Variants in ADAM28 observed in about 807,000 individuals in gnomAD.
ADAM28 encodes the protein disintegrin and metalloproteinase domain-containing protein 28.
Under a neutral mutation model 101.2 loss-of-function variants are expected in ADAM28, and 105 were observed. That is an observed-to-expected ratio of 1.04 (90% CI 0.89 to 1.22). ADAM28 has a LOEUF of 1.22. Ranked by LOEUF, ADAM28 falls within the 50% of genes most tolerant of loss-of-function variation. The pLI, the probability that ADAM28 is intolerant of heterozygous loss-of-function variation, is 0.00. For missense variants in ADAM28, 1,028 were observed against 945.4 expected, an observed-to-expected ratio of 1.09 and a Z score of -1.15; for synonymous variants, 322 against 310.6, an observed-to-expected ratio of 1.04 and a Z score of -0.39.
chr8:24,330,245 G>A, intron 11 of ADAM28, 130 bp downstream of exon 11: 1 of 1,104,396 alleles, frequency 9.1e-7, no homozygotes, highest in Non-Finnish European at 1.3e-6. Context: ...TTTGTGCCAA[G>A]CCACCTCATC....
chr8:24,324,032 C>G (rs373177460), intron 9 of ADAM28, 29 bp downstream of exon 9: 1 of 1,605,792 alleles, frequency 6.2e-7, no homozygotes, highest in Non-Finnish European at 8.5e-7. Flanking sequence ...CCATTGCACA[C>G]TATGTGGTAT....
intron 4 of ADAM28, 55 bp downstream of exon 4, chr8:24,310,296 G>A: frequency 6.5e-7 from 1 of 1,527,676 alleles, no homozygotes; most frequent in Non-Finnish European, 9.0e-7. Context: ...AGACCTAAAG[G>A]TAGTGTCCTT....
At chr8:24,321,328 G>T (rs759561044) in intron 8 of ADAM28, 39 bp downstream of exon 8, 6 of 1,476,364 alleles carry the variant, frequency 4.1e-6, no homozygotes, top group Non-Finnish European at 5.7e-6. Flanking sequence ...TAAACAGTTT[G>T]CTGGGAGATG....
chr8:24,329,886 TGAGAGAGAGA>T (rs1287352791), intron 10 of ADAM28, 89 bp from the exon 11 acceptor site: 7 of 563,950 alleles, frequency 1.2e-5, no homozygotes, highest in Non-Finnish European at 1.8e-5. Context: ...TGTGTGTGTG[TGAGAGAGAGA>T]GAGAGAGAGA....
intron 11 of ADAM28, among the ~76,000 whole-genome samples, chr8:24,330,321 A>G (rs552444386): frequency 6.6e-6 from 1 of 152,288 alleles, no homozygotes; most frequent in African/African-American, 2.4e-5. Flanking sequence ...TGATGGGGCA[A>G]TTCATCATTT....
In ADAM28 at chr8:24,309,891, C is replaced by T; in HGVS notation, c.151-3C>T. On this transcript the variant is annotated splice_region_variant and splice_polypyrimidine_tract_variant and intron_variant, in intron 2 of 22. Coordinates refer to ENST00000265769, the MANE Select transcript of ADAM28 (RefSeq NM_014265.6). ...ACAAGTAAATGTTTGTGTATTTTTGCAGGAACAATTTGAAACTGAATTAAA... is the reference window on the plus strand; with the variant it reads ...ACAAGTAAATGTTTGTGTATTTTTGTAGGAACAATTTGAAACTGAATTAAA... The T allele has an allele frequency of 6.5e-7, 1 of 1,534,960 alleles. No homozygotes were observed. Among genetic ancestry groups the T allele is most frequent in the Non-Finnish European group, 9.0e-7 (1 of 1,114,672 alleles).
At chr8:24,306,895 G>T (rs1809768032) in intron 2 of ADAM28, among the ~76,000 whole-genome samples, 2 of 152,064 alleles carry the variant, frequency 1.3e-5, no homozygotes, top group Admixed American at 1.3e-4. Flanking sequence ...TCTCACTCCT[G>T]CCCTGTTAGG....
intron 21 of ADAM28, 47 bp from the exon 22 acceptor site, chr8:24,353,723 A>C (rs1816440248): frequency 8.6e-7 from 1 of 1,157,090 alleles, no homozygotes; most frequent in East Asian, 2.4e-5. Flanking sequence ...AGATGGGACA[A>C]GCATAGCATT....
chr8:24,343,064 A>C (rs984126212), intron 16 of ADAM28, 37 bp from the exon 17 acceptor site: 3 of 1,613,052 alleles, frequency 1.9e-6, no homozygotes, highest in African/African-American at 2.7e-5. Context: ...CTACGTTCAG[A>C]GAAGATGAAG....
At chr8:24,334,764 C>T (rs1300719936) in intron 13 of ADAM28, among the ~76,000 whole-genome samples, 1 of 152,152 alleles carries the variant, frequency 6.6e-6, no homozygotes, top group Non-Finnish European at 1.5e-5. Context: ...AACAAACAAA[C>T]AAACATACTT....
intron 1 of ADAM28, among the ~76,000 whole-genome samples, chr8:24,298,414 AT>A (rs201098843): frequency 6.6e-6 from 1 of 152,208 alleles, no homozygotes; most frequent in Admixed American, 6.5e-5. Flanking sequence ...TTCTCGAGTA[AT>A]TTTTAAAAAA....
chr8:24,299,951 C>A (rs756940015), intron 1 of ADAM28, 23 bp from the exon 2 acceptor site: 1 of 1,588,452 alleles, frequency 6.3e-7, no homozygotes, highest in Non-Finnish European at 8.6e-7. Context: ...CTGGATAAGT[C>A]TTTTCTTTTT....
At chr8:24,349,534 C>A (rs1815815241) in intron 18 of ADAM28, among the ~76,000 whole-genome samples, 1 of 152,148 alleles carries the variant, frequency 6.6e-6, no homozygotes, top group Admixed American at 6.5e-5. Flanking sequence ...TGTTTCATTT[C>A]TTCTTTGCCA....
At chr8:24,300,269 A>G (rs1221502993) in intron 2 of ADAM28, among the ~76,000 whole-genome samples, 192 bp downstream of exon 2, 1 of 152,162 alleles carries the variant, frequency 6.6e-6, no homozygotes, top group Non-Finnish European at 1.5e-5. Context: ...TTGGAGTTAA[A>G]TAACAATGAT....
At chr8:24,354,035 A>G (rs985126372) in intron 22 of ADAM28, among the ~76,000 whole-genome samples, 1 of 152,100 alleles carries the variant, frequency 6.6e-6, no homozygotes, top group Non-Finnish European at 1.5e-5. Context: ...CTAGAAAGCT[A>G]TGTAGACACC....
chr8:24,323,248 G>GT (rs1259285689), intron 8 of ADAM28, among the ~76,000 whole-genome samples: 2 of 151,792 alleles, frequency 1.3e-5, no homozygotes, highest in Non-Finnish European at 2.9e-5. Context: ...CTCCACTCTC[G>GT]TGACCTAATC....
At chr8:24,312,837 T>A (rs1810651530) in intron 5 of ADAM28, among the ~76,000 whole-genome samples, 1 of 152,054 alleles carries the variant, frequency 6.6e-6, no homozygotes, top group Non-Finnish European at 1.5e-5. Flanking sequence ...GCAGAGAAAA[T>A]TGAGAAGAAA....
intron 15 of ADAM28, among the ~76,000 whole-genome samples, chr8:24,339,959 T>G (rs983170868): frequency 2.0e-5 from 3 of 152,196 alleles, no homozygotes; most frequent in Non-Finnish European, 1.5e-5. Flanking sequence ...GTAGAAATAT[T>G]TATCTACCCA....
chr8:24,310,351 C>A, intron 4 of ADAM28, 110 bp downstream of exon 4: 1 of 894,612 alleles, frequency 1.1e-6, no homozygotes, highest in Non-Finnish European at 1.7e-6. Context: ...AACATTAGTG[C>A]TTTTTTCAGC....
Sources: gnomAD v4.1 joint callset for allele counts (sites outside exome capture counted in the v4.1 genomes callset) on GRCh38, gnomAD v4.1.1 for gene constraint, MANE v1.5 for transcripts, NCBI Gene and HGNC (gene_info 2026-07-23, HGNC 2026-07-21) for gene names.